Variants in DCAF1 observed in about 807,000 individuals in gnomAD.
DCAF1 encodes the protein DDB1- and CUL4-associated factor 1.
A neutral mutation model predicts 128.0 loss-of-function variants in DCAF1; 15 were observed. The observed-to-expected ratio is 0.12, with a 90% CI of 0.08 to 0.18. The LOEUF is 0.18. Among genes scored for constraint, DCAF1 ranks in the 10% least tolerant of loss-of-function variants. The pLI is 1.00. For missense variants in DCAF1, 988 were observed against 1,649.5 expected, an observed-to-expected ratio of 0.60 and a Z score of 6.95; for synonymous variants, 610 against 603.0, an observed-to-expected ratio of 1.01 and a Z score of -0.17.
rs782476957 is a variant in DCAF1, at chr3:51,398,559, T to C, written c.*210A>G. ...GATGTGGGGGGTGCAGAGTAGGGCCTAGTCCCTGTTGTCATTTTTGTGGTG... is the reference window on the plus strand; with the variant it reads ...GATGTGGGGGGTGCAGAGTAGGGCCCAGTCCCTGTTGTCATTTTTGTGGTG... On this transcript the variant is annotated 3_prime_UTR_variant, in exon 25 of 25. Transcript: ENST00000684031. 2.5e-5 allele frequency: 15 copies of C among 608,242 alleles called. No homozygotes were observed. Among genetic ancestry groups the C allele is most frequent in the Non-Finnish European group, 3.7e-5 (13 of 347,950 alleles). 37.7% of individuals were successfully genotyped at this position (608,242 alleles called of 1,614,324 possible).
chr3:51,421,514 C>T (rs2107369167), intron 14 of DCAF1, among the ~76,000 whole-genome samples: 1 of 152,316 alleles, frequency 6.6e-6, no homozygotes, highest in East Asian at 1.9e-4. Flanking sequence ...GCCTCGGCCT[C>T]CCAAAGTTTT....
chr3:51,471,743 T>C (rs1011740855), intron 3 of DCAF1, among the ~76,000 whole-genome samples: 1 of 151,896 alleles, frequency 6.6e-6, no homozygotes, highest in African/African-American at 2.4e-5. Flanking sequence ...GGCACATACC[T>C]GTAATCCCAG....
rs1553634417 is a variant in DCAF1, at chr3:51,427,472, G to A, written c.1747C>T (p.Leu583=). 1 of 779,476 alleles carries A rather than the reference G, an allele frequency of 1.3e-6. No individual in the cohort carries two copies. The allele number at this position is 779,476 out of a possible 1,614,324, so 48.3% of individuals were successfully genotyped here. The part of the protein sequence containing the change: ...EFLIEYGPAQ[L]YWEPAEVFLK... ...AAAACTTCAGCTGGTTCCCAATATA[G>A]CTGCGCTGGGCCATATTCTATCAAA... is the stretch of plus-strand genomic sequence containing the variant. Residue 583 remains leucine, a synonymous_variant, in exon 13 of 25, where the codon CTA becomes TTA. Transcript: ENST00000684031.
At position 51,483,699 on chromosome 3, in the gene DCAF1, T is replaced by A. The variant is rs1479088120; in HGVS notation, c.110+20A>T. ...TCCGAGGTTTTTTATTAAACTAGGT[T>A]TTAAAAAAGTTATTCATACCTGGTA... On this transcript the variant is annotated intron_variant, in intron 3 of 24. Coordinates refer to ENST00000684031, the MANE Select transcript of DCAF1 (RefSeq NM_001387579.1). The A allele has an allele frequency of 1.9e-5, 30 of 1,594,570 alleles. No homozygotes were observed. Among genetic ancestry groups the A allele is most frequent in the Non-Finnish European group, 2.6e-5 (30 of 1,163,354 alleles).
In DCAF1 at chr3:51,441,649, G is replaced by A. The variant is rs782713742; in HGVS notation, c.762C>T (p.Asn254=). The A allele has an allele frequency of 1.9e-6, 3 of 1,613,978 alleles. No homozygotes were observed. The highest frequency in any genetic ancestry group is 2.5e-6 in the Non-Finnish European group (3 of 1,179,892). The change falls in exon 8 of 25, where the codon AAC becomes AAT. Residue 254 remains asparagine, a synonymous_variant. Coordinates refer to ENST00000684031, the MANE Select transcript of DCAF1 (RefSeq NM_001387579.1). ...CTCCATCCTCAGGTTTGGTTGTTGA[G>A]TTCACTCTGCTACTAGTCTTGTGGC... ...DSGHKTSSRV[N]STTKPEDGGL... is the part of the protein sequence containing the mutation.
rs188521116 is a variant in DCAF1, at chr3:51,448,103, A to C, written c.376-4200T>G. ...TTGCTTTTAAGATCTTCTCTTTGGT[A>C]ATCTTCACTGTACTTCCTGAATCTG... On this transcript the variant is annotated intron_variant, in intron 6 of 24. Coordinates refer to ENST00000684031, the MANE Select transcript of DCAF1 (RefSeq NM_001387579.1). Among the ~76,000 whole-genome samples, 7 of 152,246 alleles carry C rather than the reference A, an allele frequency of 4.6e-5. No individual in the cohort carries two copies. In the East Asian group the frequency reaches 1.4e-3, roughly 29 times the overall value.
At chr3:51,500,812 C>CTT (rs3051029), upstream of DCAF1, among the ~76,000 whole-genome samples, 572 of 128,664 alleles carry the variant, frequency 4.4e-3, 12 homozygotes, top group East Asian at 0.025. Context: ...TTTTCTCTGT[C>CTT]TTTTTTTTTT....
At chr3:51,415,158 C>G (rs1553629918) in intron 18 of DCAF1, among the ~76,000 whole-genome samples, 1 of 152,182 alleles carries the variant, frequency 6.6e-6, no homozygotes, top group African/African-American at 2.4e-5. Flanking sequence ...ACCCACAACT[C>G]TTCTCTAGTC....
At chr3:51,409,498 T>C (rs1358074675) in intron 23 of DCAF1, among the ~76,000 whole-genome samples, 7 of 152,136 alleles carry the variant, frequency 4.6e-5, no homozygotes, top group African/African-American at 1.7e-4. Flanking sequence ...TGCACGGATA[T>C]GGGAGGGCTG....
chr3:51,405,836 G>T (rs1034014014), intron 23 of DCAF1, among the ~76,000 whole-genome samples: 2 of 151,982 alleles, frequency 1.3e-5, no homozygotes, highest in Non-Finnish European at 2.9e-5. Context: ...AATAATGAGT[G>T]GTCCAAAAAG....
At chr3:51,432,087 G>A (rs1553635719) in intron 10 of DCAF1, among the ~76,000 whole-genome samples, 13 of 151,576 alleles carry the variant, frequency 8.6e-5, no homozygotes, top group African/African-American at 2.9e-4. Flanking sequence ...CCTGGCCAAC[G>A]TGCTGAAACT....
chr3:51,489,333 T>C (rs1553656860), intron 2 of DCAF1, among the ~76,000 whole-genome samples: 1 of 151,968 alleles, frequency 6.6e-6, no homozygotes, highest in Non-Finnish European at 1.5e-5. Context: ...TTCAGTAGGC[T>C]GAGGCATGAG....
intron 3 of DCAF1, among the ~76,000 whole-genome samples, chr3:51,478,919 C>T (rs529552272): frequency 2.0e-5 from 3 of 152,256 alleles, no homozygotes; most frequent in African/African-American, 7.2e-5. Flanking sequence ...AGGAACAATA[C>T]ATTTATCCCC....
intron 13 of DCAF1, among the ~76,000 whole-genome samples, chr3:51,422,999 T>C (rs537333879): frequency 2.2e-4 from 34 of 151,928 alleles, no homozygotes; most frequent in Non-Finnish European, 4.7e-4. Flanking sequence ...GCCCAGGAAG[T>C]TGAGGCTGTG....
At chr3:51,494,758 A>G (rs1465964112) in intron 2 of DCAF1, among the ~76,000 whole-genome samples, 1 of 152,040 alleles carries the variant, frequency 6.6e-6, no homozygotes, top group East Asian at 1.9e-4. Context: ...GGGTCTCACT[A>G]TGTTACCCAG....
chr3:51,477,234 A>C (rs529083543), intron 3 of DCAF1, among the ~76,000 whole-genome samples: 1 of 152,224 alleles, frequency 6.6e-6, no homozygotes, highest in South Asian at 2.1e-4. Flanking sequence ...TAAAAAGGTC[A>C]ATAAAAGAGC....
intron 24 of DCAF1, among the ~76,000 whole-genome samples, chr3:51,401,308 G>A (rs1226825427): frequency 1.3e-5 from 2 of 152,112 alleles, no homozygotes; most frequent in Admixed American, 6.5e-5. Context: ...TCCTAAAAGG[G>A]CTCTTCATAA....
chr3:51,395,910 T>C (rs963783200), downstream of DCAF1: 3 of 413,434 alleles, frequency 7.3e-6, no homozygotes, highest in Admixed American at 8.8e-5. Context: ...TTTGTTTTTT[T>C]ACTTGAGCTG....
At chr3:51,410,280 T>C (rs1283561499) in intron 23 of DCAF1, among the ~76,000 whole-genome samples, 1 of 152,160 alleles carries the variant, frequency 6.6e-6, no homozygotes, top group African/African-American at 2.4e-5. Context: ...TCACGAATCA[T>C]CTCGGGCCTC....
Sources: gnomAD v4.1 joint callset for allele counts (sites outside exome capture counted in the v4.1 genomes callset) on GRCh38, gnomAD v4.1.1 for gene constraint, MANE v1.5 for transcripts, NCBI Gene and HGNC (gene_info 2026-07-23, HGNC 2026-07-21) for gene names.